RDH8: variants seen among roughly 807,000 people sequenced by gnomAD.
RDH8 encodes photoreceptor outer segment all-trans retinol dehydrogenase.
Under a neutral mutation model 22.3 loss-of-function variants are expected in RDH8, and 14 were observed. The ratio of observed to expected loss-of-function variants is 0.63; its 90% CI spans 0.42 to 0.98. The LOEUF (loss-of-function observed/expected upper bound fraction) is 0.98, where lower values mean the gene tolerates loss of function less well. Among genes scored for constraint, RDH8 ranks in the 50% least tolerant of loss-of-function variants. The pLI, the probability that RDH8 is intolerant of heterozygous loss-of-function variation, is 0.00. For synonymous variants in RDH8, 175 were observed against 171.7 expected, an observed-to-expected ratio of 1.02 and a Z score of -0.15; for missense variants, 389 against 409.8, an observed-to-expected ratio of 0.95 and a Z score of 0.44.
At chr19:10,020,139 A>G (rs942206038) in intron 3 of RDH8, among the ~76,000 whole-genome samples, 4 of 151,942 alleles carry the variant, frequency 2.6e-5, no homozygotes, top group Non-Finnish European at 4.4e-5. Flanking sequence ...AAAAAATTAA[A>G]TTAAATAAAA....
chr19:10,021,281 TG>T lies in RDH8; in HGVS notation c.565del (p.Val189SerfsTer76). The T allele has an allele frequency of 6.2e-7, 1 of 1,614,092 alleles. No individual in the cohort carries two copies. The highest frequency in any genetic ancestry group is 8.5e-7 in the Non-Finnish European group (1 of 1,180,004). On this transcript the variant is annotated frameshift_variant, in exon 5 of 6. Coordinates refer to ENST00000591589, the MANE Select transcript of RDH8 (RefSeq NM_015725.4). LOFTEE classifies it high-confidence loss of function. ...IFISLVEPGP[V>X]VTEFEGKLLA... ...ATCTCCCTGGTGGAGCCAGGCCCCG[TG>T]GTCACCGAGTTTGAGGGGAAGCTTC...
At chr19:10,021,203 G>T (rs2087655829) in intron 4 of RDH8, 52 bp from the exon 5 acceptor site, 7 of 1,560,746 alleles carry the variant, frequency 4.5e-6, no homozygotes, top group Admixed American at 1.9e-5. Context: ...GACAAAATAG[G>T]TCAGGGAGTG....
At position 10,021,656 on chromosome 19, in the gene RDH8, C is replaced by T; in HGVS notation, c.843C>T (p.Thr281=). 3 of 1,614,168 alleles carry T rather than the reference C, an allele frequency of 1.9e-6. No individual in the cohort carries two copies. The highest frequency in any genetic ancestry group is 2.5e-6 in the Non-Finnish European group (3 of 1,180,018). Reference sequence around the variant, plus strand: ...CTGGCAGCCTGTATGTGCGAACGACCCACCGCCTCCTCTTCCGCTGTCCAC... The same window carrying T: ...CTGGCAGCCTGTATGTGCGAACGACTCACCGCCTCCTCTTCCGCTGTCCAC... ...DSSGSLYVRT[T]HRLLFRCPRL... is the part of the protein sequence containing the mutation. Residue 281 remains threonine (T), a synonymous_variant, in exon 6 of 6, where the codon ACC becomes ACT. Transcript: ENST00000591589.
intron 2 of RDH8, among the ~76,000 whole-genome samples, chr19:10,017,510 T>G (rs1233738909): frequency 1.3e-5 from 2 of 152,024 alleles, no homozygotes; most frequent in African/African-American, 4.8e-5. Context: ...AAATTAAAAA[T>G]TAGCCAGTCA....
At chr19:10,014,471 A>G (rs773165300) in intron 1 of RDH8, among the ~76,000 whole-genome samples, 34 of 152,200 alleles carry the variant, frequency 2.2e-4, no homozygotes, top group Non-Finnish European at 4.1e-4. Context: ...CCCTGAATCC[A>G]GGAAGTCATT....
chr19:10,015,591 G>A (rs1207584324), intron 1 of RDH8, among the ~76,000 whole-genome samples: 1 of 151,116 alleles, frequency 6.6e-6, no homozygotes, highest in African/African-American at 2.4e-5. Flanking sequence ...TTTCACCACT[G>A]TATTCCAGCC....
rs968013353 is a variant in RDH8, at chr19:10,021,325, G to T, written c.607G>T (p.Ala203Ser). 6.2e-7 allele frequency: 1 copy of T among 1,613,928 alleles called. No individual in the cohort carries two copies. Among genetic ancestry groups the T allele is most frequent in the Admixed American group, 1.7e-5 (1 of 59,978 alleles). The change falls in exon 5 of 6, where the codon GCT (alanine) becomes TCT (serine). Residue 203 changes from alanine (A) to serine (S), a missense_variant. By Grantham distance (99) the Ala-to-Ser change is moderately conservative. Transcript: ENST00000591589. ...EGKLLAQVSMAEFPGTDPETL... is the reference protein window; with the variant it reads ...EGKLLAQVSMSEFPGTDPETL... ...GAAGCTTCTGGCGCAGGTTTCTATGGCTGAGTTCCCAGGCACTGACCCTGA... is the reference window on the plus strand; with the variant it reads ...GAAGCTTCTGGCGCAGGTTTCTATGTCTGAGTTCCCAGGCACTGACCCTGA...
At position 10,021,377 on chromosome 19, in the gene RDH8, A is replaced by G. The variant is rs2087657500; in HGVS notation, c.659A>G (p.Tyr220Cys). The change falls in exon 5 of 6, where the codon TAT (tyrosine) becomes TGT (cysteine). Residue 220 changes from tyrosine (Y) to cysteine (C), a missense_variant. Tyr to Cys is a radical substitution (Grantham distance 194, BLOSUM62 -2). Coordinates refer to ENST00000591589, the MANE Select transcript of RDH8 (RefSeq NM_015725.4). ...PETLHYFRDLYLPASRKLFCS... is the reference protein window; with the variant it reads ...PETLHYFRDLCLPASRKLFCS... ...ACCCTGCACTACTTCCGGGACCTCT[A>G]TCTCCCAGCCTCCAGGAAGCTGTTT... 2 of 1,613,944 alleles carry G rather than the reference A, an allele frequency of 1.2e-6. No homozygotes were observed. The highest frequency in any genetic ancestry group is 1.1e-5 in the South Asian group (1 of 91,076).
intron 3 of RDH8, among the ~76,000 whole-genome samples, chr19:10,020,116 C>A (rs1390174606): frequency 1.3e-5 from 2 of 151,578 alleles, no homozygotes; most frequent in Non-Finnish European, 2.9e-5. Context: ...GACTCCGTCT[C>A]CCCCCCGCCA....
chr19:10,021,323 T>A lies in RDH8; in HGVS notation c.605T>A (p.Met202Lys), dbSNP rs1644731. 1.4e-5 allele frequency: 23 copies of A among 1,613,664 alleles called. No individual in the cohort carries two copies. The highest frequency in any genetic ancestry group is 1.9e-5 in the Non-Finnish European group (23 of 1,179,904). The change falls in exon 5 of 6, where the codon ATG becomes AAG. Residue 202 changes from methionine to lysine, a missense_variant. Met to Lys is a moderately conservative substitution (Grantham distance 95). Coordinates refer to ENST00000591589, the MANE Select transcript of RDH8 (RefSeq NM_015725.4). Reference protein sequence around the residue: ...FEGKLLAQVSMAEFPGTDPET... With the variant: ...FEGKLLAQVSKAEFPGTDPET... ...GGGAAGCTTCTGGCGCAGGTTTCTA[T>A]GGCTGAGTTCCCAGGCACTGACCCT...
intron 1 of RDH8, 132 bp downstream of exon 1, chr19:10,013,732 C>T (rs1196774133): frequency 3.5e-6 from 3 of 861,998 alleles, no homozygotes; most frequent in Non-Finnish European, 5.4e-6. Context: ...GGAATCATCC[C>T]CTCATCCTAG....
In RDH8 at chr19:10,021,574, G is replaced by C. The variant is rs1375636719; in HGVS notation, c.761G>C (p.Arg254Pro). 6.2e-7 allele frequency: 1 copy of C among 1,614,074 alleles called. No homozygotes were observed. The highest frequency in any genetic ancestry group is 2.2e-5 in the East Asian group (1 of 44,880). ...ATCAGCTCGACTCGACCACCCCTGC[G>C]CCGACAGACCAACATCCGCTACTCG... ...NVISSTRPPL[R>P]RQTNIRYSPL... Residue 254 changes from arginine (R) to proline (P), a missense_variant, in exon 6 of 6, where the codon CGC becomes CCC. By Grantham distance (103) the Arg-to-Pro change is moderately radical. Transcript: ENST00000591589.
In RDH8 at chr19:10,018,722, T is replaced by C. The variant is rs745567702; in HGVS notation, c.263-9T>C. 3.8e-6 allele frequency: 6 copies of C among 1,592,570 alleles called. No individual in the cohort carries two copies. In the African/African-American group the frequency reaches 8.1e-5, roughly 21 times the overall value. ...ACTTTAAGGTAACCCTTAGTACCTC[T>C]TCTCTTAGTGAATAATGCTGGAATG... On this transcript the variant is annotated splice_polypyrimidine_tract_variant and intron_variant, in intron 2 of 5. Transcript: ENST00000591589.
At chr19:10,017,276 T>C (rs1385567318) in intron 2 of RDH8, 61 bp downstream of exon 2, 1 of 1,436,982 alleles carries the variant, frequency 7.0e-7, no homozygotes, top group African/African-American at 1.4e-5. Context: ...AGACCCTCAA[T>C]ATGGCAAGGT....
In RDH8 at chr19:10,021,280, G is replaced by C; in HGVS notation, c.562G>C (p.Val188Leu). 1 of 1,614,122 alleles carries C rather than the reference G, an allele frequency of 6.2e-7. No individual in the cohort carries two copies. Among genetic ancestry groups the C allele is most frequent in the Non-Finnish European group, 8.5e-7 (1 of 1,180,024 alleles). ...IFISLVEPGPVVTEFEGKLLA... is the reference protein window; with the variant it reads ...IFISLVEPGPLVTEFEGKLLA... ...CATCTCCCTGGTGGAGCCAGGCCCCGTGGTCACCGAGTTTGAGGGGAAGCT... is the reference window on the plus strand; with the variant it reads ...CATCTCCCTGGTGGAGCCAGGCCCCCTGGTCACCGAGTTTGAGGGGAAGCT... Residue 188 changes from valine (V) to leucine (L), a missense_variant, in exon 5 of 6, where the codon GTG becomes CTG. By Grantham distance (32) the Val-to-Leu change is conservative. Coordinates refer to ENST00000591589, the MANE Select transcript of RDH8 (RefSeq NM_015725.4).
rs754874612 is a variant in RDH8 at position 10,013,612 on chromosome 19, A to G, written c.103+12A>G. On this transcript the variant is annotated intron_variant, in intron 1 of 5. Transcript: ENST00000591589. ...GAAGCGCTACCAGGGTAAGAAGTGC[A>G]GGGTGGCACTAGGAGGCAGCCGGGT... 1.1e-5 allele frequency: 18 copies of G among 1,613,686 alleles called. No homozygotes were observed. Among genetic ancestry groups the G allele is most frequent in the Non-Finnish European group, 1.3e-5 (15 of 1,179,966 alleles).
chr19:10,019,273 A>G (rs2087641265), intron 3 of RDH8, among the ~76,000 whole-genome samples: 4 of 150,356 alleles, frequency 2.7e-5, no homozygotes, highest in South Asian at 4.3e-4. Context: ...ACTCCAGCCT[A>G]GGCAACAAAG....
chr19:10,019,658 G>A (rs532337441), intron 3 of RDH8, among the ~76,000 whole-genome samples: 30 of 152,110 alleles, frequency 2.0e-4, no homozygotes, highest in South Asian at 2.1e-4. Flanking sequence ...AAAATTAGCC[G>A]TGTGTGGTGG....
At position 10,021,287 on chromosome 19, in the gene RDH8, C is replaced by T; in HGVS notation, c.569C>T (p.Thr190Ile). The part of the protein sequence containing the change: ...ISLVEPGPVV[T>I]EFEGKLLAQV... The stretch of plus-strand genomic sequence containing the variant: ...CTGGTGGAGCCAGGCCCCGTGGTCA[C>T]CGAGTTTGAGGGGAAGCTTCTGGCG... Residue 190 changes from threonine (T) to isoleucine (I), a missense_variant, in exon 5 of 6, where the codon ACC (threonine) becomes ATC (isoleucine). Physicochemically the swap from Thr to Ile is moderately conservative, Grantham distance 89 (BLOSUM62 -1). Transcript: ENST00000591589. The T allele has an allele frequency of 6.2e-7, 1 of 1,614,134 alleles. No individual in the cohort carries two copies. Among genetic ancestry groups the T allele is most frequent in the Non-Finnish European group, 8.5e-7 (1 of 1,180,024 alleles).
Sources: allele counts gnomAD v4.1 joint callset (sites outside exome capture counted in the v4.1 genomes callset), GRCh38; gene constraint gnomAD v4.1.1; transcripts MANE v1.5; gene names NCBI Gene and HGNC (gene_info 2026-07-23, HGNC 2026-07-21).